The following PARD3 variants were observed in gnomAD, a reference collection of about 807,000 sequenced individuals.
The protein encoded by PARD3 is par-3 family cell polarity regulator.
A neutral mutation model predicts 155.4 loss-of-function variants in PARD3; 75 were observed. The observed-to-expected ratio is 0.48, with a 90% CI of 0.40 to 0.58. The LOEUF (loss-of-function observed/expected upper bound fraction) is 0.58. Ranked by LOEUF, PARD3 falls within the 20% of genes least tolerant of loss-of-function variation. The probability of loss-of-function intolerance (pLI) is 0.00; values close to 1 mark genes in which losing one functional copy is unlikely to be tolerated. For synonymous variants in PARD3, 576 were observed against 610.5 expected, an observed-to-expected ratio of 0.94 and a Z score of 0.83; for missense variants, 1,642 against 1,721.7, an observed-to-expected ratio of 0.95 and a Z score of 0.82.
intron 2 of PARD3, among the ~76,000 whole-genome samples, chr10:34,533,343 T>C (rs184891248): frequency 3.3e-5 from 5 of 152,300 alleles, no homozygotes; most frequent in Admixed American, 3.3e-4. Context: ...ACTACCTGGA[T>C]TGCGGGATCA....
intron 3 of PARD3, among the ~76,000 whole-genome samples, chr10:34,477,537 C>CT: frequency 6.6e-6 from 1 of 152,242 alleles, no homozygotes; most frequent in East Asian, 1.9e-4. Flanking sequence ...ATTGATGTCT[C>CT]TCTCTAGGTA....
intron 4 of PARD3, among the ~76,000 whole-genome samples, chr10:34,458,001 C>T (rs1296065564): frequency 6.6e-6 from 1 of 152,098 alleles, no homozygotes; most frequent in South Asian, 2.1e-4. Flanking sequence ...TATCTAGTCA[C>T]TGCTACACAA....
chr10:34,165,188 C>T (rs1949470596), intron 22 of PARD3, among the ~76,000 whole-genome samples: 2 of 152,258 alleles, frequency 1.3e-5, no homozygotes, highest in South Asian at 4.1e-4. Flanking sequence ...AAACCCTTTG[C>T]ACCTCTGAGA....
chr10:34,503,616 G>GT (rs1301719464), intron 3 of PARD3, among the ~76,000 whole-genome samples: 23 of 152,314 alleles, frequency 1.5e-4, no homozygotes, highest in African/African-American at 4.3e-4. Context: ...AAGAGGCTTT[G>GT]TGTGATATGG....
intron 2 of PARD3, among the ~76,000 whole-genome samples, chr10:34,637,985 C>T (rs1268683880): frequency 6.6e-6 from 1 of 152,132 alleles, no homozygotes; most frequent in East Asian, 1.9e-4. Context: ...TACACATAAA[C>T]AAGACACACG....
chr10:34,447,187 A>G (rs2076782476), intron 5 of PARD3, among the ~76,000 whole-genome samples: 1 of 152,134 alleles, frequency 6.6e-6, no homozygotes, highest in Non-Finnish European at 1.5e-5. Context: ...CTGTTATCAA[A>G]ACATCAAAAT....
chr10:34,338,354 T>C (rs1836424024), intron 16 of PARD3, among the ~76,000 whole-genome samples: 1 of 152,256 alleles, frequency 6.6e-6, no homozygotes, highest in African/African-American at 2.4e-5. Flanking sequence ...TAAAGTGCTA[T>C]AAGGTGTTCT....
intron 1 of PARD3, among the ~76,000 whole-genome samples, chr10:34,722,251 GTATATA>G (rs1184686535): frequency 6.6e-6 from 1 of 151,752 alleles, no homozygotes; most frequent in African/African-American, 2.4e-5. Flanking sequence ...GTTGTTTTAT[GTATATA>G]TATAGACTGT....
intron 5 of PARD3, among the ~76,000 whole-genome samples, chr10:34,442,460 C>CT (rs2076513866): frequency 6.6e-6 from 1 of 152,190 alleles, no homozygotes; most frequent in African/African-American, 2.4e-5. Context: ...AATATAGGCA[C>CT]TGAGGGGAGC....
intron 1 of PARD3, among the ~76,000 whole-genome samples, chr10:34,734,440 A>G (rs2094877523): frequency 7.2e-6 from 1 of 138,626 alleles, no homozygotes; most frequent in African/African-American, 2.7e-5. Flanking sequence ...GGTTCACGCC[A>G]TTCTCCTGCT....
intron 19 of PARD3, among the ~76,000 whole-genome samples, chr10:34,319,703 G>C (rs993908164): frequency 1.3e-5 from 2 of 152,156 alleles, no homozygotes; most frequent in African/African-American, 4.8e-5. Context: ...TTTCAAATGA[G>C]AGCTCCCCCA....
intron 5 of PARD3, among the ~76,000 whole-genome samples, chr10:34,438,814 C>T (rs959843700): frequency 4.6e-5 from 7 of 152,104 alleles, no homozygotes; most frequent in African/African-American, 1.7e-4. Context: ...AGGGATATCA[C>T]CCGCCATCAA....
At chr10:34,630,726 G>A (rs1241840691) in intron 2 of PARD3, among the ~76,000 whole-genome samples, 2 of 152,094 alleles carry the variant, frequency 1.3e-5, no homozygotes, top group African/African-American at 4.8e-5. Flanking sequence ...TTACAGGCAT[G>A]AGCCACTGCA....
At chr10:34,229,514 G>A (rs11592463) in intron 22 of PARD3, among the ~76,000 whole-genome samples, 20,157 of 152,006 alleles carry the variant, frequency 0.13, 1,815 homozygotes, top group Middle Eastern at 0.22. Flanking sequence ...CTCCCAAAGC[G>A]CTAGGATTAC....
chr10:34,155,157 T>C (rs1486825725), intron 22 of PARD3, among the ~76,000 whole-genome samples: 2 of 152,178 alleles, frequency 1.3e-5, no homozygotes, highest in Non-Finnish European at 2.9e-5. Flanking sequence ...TGAAGTCAGG[T>C]TGAGCGGTCA....
At chr10:34,652,582 A>G (rs2133068006) in intron 2 of PARD3, among the ~76,000 whole-genome samples, 1 of 152,308 alleles carries the variant, frequency 6.6e-6, no homozygotes, top group East Asian at 1.9e-4. Context: ...ACAATAGCAT[A>G]GATACGGATG....
chr10:34,492,668 C>G (rs1285340181), intron 3 of PARD3, among the ~76,000 whole-genome samples: 1 of 152,190 alleles, frequency 6.6e-6, no homozygotes, highest in African/African-American at 2.4e-5. Flanking sequence ...ACCCTGATGG[C>G]ATTTACTCTT....
intron 2 of PARD3, among the ~76,000 whole-genome samples, chr10:34,632,281 A>T (rs2092303880): frequency 2.0e-5 from 3 of 151,966 alleles, no homozygotes; most frequent in Admixed American, 2.0e-4. Flanking sequence ...TCAGCAGTGG[A>T]CTCCCTGCTG....
intron 2 of PARD3, among the ~76,000 whole-genome samples, chr10:34,566,931 A>T (rs1449339829): frequency 6.6e-6 from 1 of 152,204 alleles, no homozygotes; most frequent in East Asian, 1.9e-4. Context: ...TGACAAGAAT[A>T]TTTCTAAAAT....
Sources: gnomAD v4.1 joint callset for allele counts (sites outside exome capture counted in the v4.1 genomes callset) on GRCh38, gnomAD v4.1.1 for gene constraint, MANE v1.5 for transcripts, NCBI Gene and HGNC (gene_info 2026-07-23, HGNC 2026-07-21) for gene names.